Variants in RFC1 observed in about 807,000 individuals in gnomAD.
The protein encoded by RFC1 is A1 140 kDa subunit.
A neutral mutation model predicts 137.4 loss-of-function variants in RFC1; 37 were observed. The ratio of observed to expected loss-of-function variants is 0.27; its 90% CI spans 0.21 to 0.35. The LOEUF is 0.35. Among genes scored for constraint, RFC1 ranks in the 10% least tolerant of loss-of-function variants. The probability of loss-of-function intolerance (pLI) is 1.00; values close to 1 mark genes in which losing one functional copy is unlikely to be tolerated. For missense variants in RFC1, 1,205 were observed against 1,358.5 expected (o/e 0.89, Z 1.78); for synonymous variants, 429 against 455.7 (o/e 0.94, Z 0.75).
chr4:39,329,415 C>A (rs1739973435), intron 4 of RFC1, among the ~76,000 whole-genome samples: 1 of 151,406 alleles, frequency 6.6e-6, no homozygotes, highest in South Asian at 2.1e-4. Flanking sequence ...CATGGTGAAA[C>A]CCCATCTCTA....
Position 39,317,015 on chromosome 4 carries a change from C to T in RFC1, c.1103G>A (p.Ser368Asn), listed in dbSNP as rs1301837081. Residue 368 changes from serine to asparagine, a missense_variant, in exon 10 of 25, where the codon AGT becomes AAT. Physicochemically the swap from Ser to Asn is conservative, Grantham distance 46. Around this residue, in one of 3 missense-constraint regions of RFC1, gnomAD observed 962 missense variants for 1,035.3 expected, o/e 0.93. Coordinates refer to ENST00000349703, the MANE Select transcript of RFC1 (RefSeq NM_002913.5). ...KSSPAKKESV[S>N]PEDSEKKRTN... ...GCGTTTCTTTTCAGAATCTTCAGGACTTACAGACTTTGGGAACAGGGAAAG... is the reference window on the plus strand; with the variant it reads ...GCGTTTCTTTTCAGAATCTTCAGGATTTACAGACTTTGGGAACAGGGAAAG... The T allele has an allele frequency of 6.2e-6, 10 of 1,610,908 alleles. No individual in the cohort carries two copies. In the African/African-American group the frequency reaches 1.3e-4, roughly 22 times the overall value.
intron 22 of RFC1, among the ~76,000 whole-genome samples, chr4:39,294,984 C>G (rs1026174307): frequency 1.3e-5 from 2 of 152,232 alleles, no homozygotes; most frequent in Admixed American, 1.3e-4. Context: ...GCCTGGGTGA[C>G]AGAGTGTGAC....
At chr4:39,343,126 G>C (rs1158373926) in intron 3 of RFC1, among the ~76,000 whole-genome samples, 1 of 152,080 alleles carries the variant, frequency 6.6e-6, no homozygotes, top group Admixed American at 6.6e-5. Context: ...AGGTTCAAGC[G>C]ATTCTCCTGC....
At chr4:39,355,970 C>T (rs564106235) in intron 1 of RFC1, 1 of 142,300 alleles carries the variant, frequency 7.0e-6, no homozygotes, top group East Asian at 2.1e-4. Flanking sequence ...CCACTGCACT[C>T]CAGCCTGGTG....
Position 39,312,945 on chromosome 4 carries a change from T to C in RFC1, c.1204-14A>G, listed in dbSNP as rs774149718. 1 of 1,586,016 alleles carries C rather than the reference T, an allele frequency of 6.3e-7. No homozygotes were observed. On this transcript the variant is annotated splice_polypyrimidine_tract_variant and intron_variant, in intron 10 of 24. Coordinates refer to ENST00000349703, the MANE Select transcript of RFC1 (RefSeq NM_002913.5). ...ATTTTCAGCTCCCTAAAAACCAAAA[T>C]GTTCAAGCAGAGAGGAAATTACATG...
intron 16 of RFC1, 83 bp from the exon 17 acceptor site, chr4:39,302,957 C>T: frequency 6.7e-7 from 1 of 1,485,588 alleles, no homozygotes; most frequent in Non-Finnish European, 9.4e-7. Flanking sequence ...CTAAAAATCT[C>T]CTCAGCAACA....
At chr4:39,324,637 T>A (rs761861356) in intron 6 of RFC1, among the ~76,000 whole-genome samples, 2 of 152,200 alleles carry the variant, frequency 1.3e-5, no homozygotes, top group Non-Finnish European at 1.5e-5. Context: ...ATAATACTTA[T>A]CAAGAGCCCA....
intron 7 of RFC1, 120 bp downstream of exon 7, chr4:39,323,220 A>G: frequency 1.6e-6 from 1 of 622,666 alleles, no homozygotes; most frequent in Non-Finnish European, 2.5e-6. Context: ...CATTTTTATA[A>G]AATAATTTAA....
chr4:39,345,781 C>T (rs1449161576), intron 2 of RFC1, among the ~76,000 whole-genome samples: 2 of 152,116 alleles, frequency 1.3e-5, no homozygotes, highest in African/African-American at 2.4e-5. Flanking sequence ...CATCCCCGCC[C>T]CCCAGAAGGC....
intron 6 of RFC1, among the ~76,000 whole-genome samples, chr4:39,324,417 C>T (rs1739662040): frequency 6.6e-6 from 1 of 152,148 alleles, no homozygotes; most frequent in African/African-American, 2.4e-5. Context: ...GATTAGGTAA[C>T]CCTCTAGTAT....
chr4:39,333,948 AG>A (rs938584226), intron 4 of RFC1, among the ~76,000 whole-genome samples: 1 of 152,194 alleles, frequency 6.6e-6, no homozygotes, highest in Non-Finnish European at 1.5e-5. Flanking sequence ...TTAAACAAAA[AG>A]TGCAAATAAG....
chr4:39,334,432 A>G (rs546938104), intron 4 of RFC1, among the ~76,000 whole-genome samples: 114 of 152,298 alleles, frequency 7.5e-4, no homozygotes, highest in African/African-American at 2.7e-3. Context: ...ACAGGCCAAG[A>G]AGACAACTAG....
At chr4:39,359,623 C>T (rs1384140176) in intron 1 of RFC1, among the ~76,000 whole-genome samples, 1 of 152,028 alleles carries the variant, frequency 6.6e-6, no homozygotes, top group Non-Finnish European at 1.5e-5. Flanking sequence ...GAGATCGAGA[C>T]CATCATGGCT....
At position 39,308,695 on chromosome 4, in the gene RFC1, T is replaced by C. The variant is rs1192754517; in HGVS notation, c.1826A>G (p.Asn609Ser). 2 of 1,614,174 alleles carry C rather than the reference T, an allele frequency of 1.2e-6. No homozygotes were observed. Among genetic ancestry groups the C allele is most frequent in the Admixed American group, 1.7e-5 (1 of 60,004 alleles). ...GTTTCGGAGCCAGCGTAGGAGTTTG[T>C]TGGCACAGCTCTGGTCACCTTGCTG... is the stretch of plus-strand genomic sequence containing the variant. The part of the protein sequence containing the change: ...IGQQGDQSCA[N>S]KLLRWLRNWQ... Residue 609 changes from asparagine to serine, a missense_variant, in exon 13 of 25, where the codon AAC becomes AGC. This residue lies in a region of RFC1 where 962 missense variants were observed against 1,035.3 expected (regional missense o/e 0.93). Coordinates refer to ENST00000349703, the MANE Select transcript of RFC1 (RefSeq NM_002913.5).
intron 4 of RFC1, among the ~76,000 whole-genome samples, chr4:39,333,922 G>T (rs1171426497): frequency 1.3e-5 from 2 of 152,098 alleles, no homozygotes; most frequent in African/African-American, 4.8e-5. Flanking sequence ...GATACTTCAA[G>T]TATGTTTTCA....
chr4:39,327,500 C>T, intron 5 of RFC1, 24 bp downstream of exon 5: 1 of 1,496,272 alleles, frequency 6.7e-7, no homozygotes, highest in Non-Finnish European at 9.2e-7. Context: ...CCTGAGCATA[C>T]TTGCTTATAT....
At chr4:39,343,615 G>A (rs950496702) in intron 3 of RFC1, among the ~76,000 whole-genome samples, 1 of 152,148 alleles carries the variant, frequency 6.6e-6, no homozygotes, top group Non-Finnish European at 1.5e-5. Context: ...TCACACTGTA[G>A]TAAACTGTAT....
At chr4:39,302,672 C>T (rs1242393024) in intron 17 of RFC1, 65 bp downstream of exon 17, 1 of 1,501,068 alleles carries the variant, frequency 6.7e-7, no homozygotes, top group Non-Finnish European at 9.0e-7. Context: ...TTATCAGGTA[C>T]TTTTAAAAAT....
chr4:39,294,309 G>T (rs1215172876), intron 22 of RFC1, among the ~76,000 whole-genome samples: 1 of 152,210 alleles, frequency 6.6e-6, no homozygotes, highest in African/African-American at 2.4e-5. Context: ...TGGAATGGGG[G>T]ATCAAATATT....
Sources: gnomAD v4.1 joint callset for allele counts (sites outside exome capture counted in the v4.1 genomes callset) on GRCh38, gnomAD v4.1.1 for gene constraint, gnomAD v4.1.1 regional missense constraint, MANE v1.5 for transcripts, NCBI Gene and HGNC (gene_info 2026-07-23, HGNC 2026-07-21) for gene names.